The following LZTS1 variants were observed in gnomAD, a reference collection of about 807,000 sequenced individuals.
The protein encoded by LZTS1 is leucine zipper tumor suppressor 1, also known as leucine zipper putative tumor suppressor 1.
In LZTS1, 31 loss-of-function variants were observed where a neutral mutation model predicts 45.8. That is an observed-to-expected ratio of 0.68 (90% confidence interval 0.51 to 0.91). LZTS1 has a LOEUF of 0.91. Ranked by LOEUF, LZTS1 falls within the 40% of genes least tolerant of loss-of-function variation. The pLI is 0.00. For synonymous variants in LZTS1, 359 were observed against 357.3 expected (o/e 1.00, Z -0.05); for missense variants, 821 against 788.9 (o/e 1.04, Z -0.49).
chr8:20,282,715 C>T (rs1282573747), intron 1 of LZTS1, among the ~76,000 whole-genome samples: 1 of 152,184 alleles, frequency 6.6e-6, no homozygotes, highest in Admixed American at 6.5e-5. Flanking sequence ...CAGTTGCACT[C>T]ACTCCCCTTT....
At chr8:20,270,637 G>A (rs1205217066) in intron 1 of LZTS1, among the ~76,000 whole-genome samples, 3 of 152,116 alleles carry the variant, frequency 2.0e-5, no homozygotes, top group Non-Finnish European at 4.4e-5. Context: ...GGAGAACTTA[G>A]GACAAAAGGC....
At position 20,248,362 on chromosome 8, in the gene LZTS1, C is replaced by T. The variant is rs1463190349; in HGVS notation, c.*1360G>A. The T allele has an allele frequency of 6.6e-6, 1 of 152,354 alleles. No homozygotes were observed. Among genetic ancestry groups the T allele is most frequent in the African/African-American group, 2.4e-5 (1 of 41,438 alleles). The allele number at this position is 152,354 out of a possible 1,614,324, so 9.4% of individuals were successfully genotyped here. Reference sequence around the variant, plus strand: ...ATCCCTGAACCAAACAACAGAGAAACTCCACCTTTTATCTCTCTCTACCAC... The same window carrying T: ...ATCCCTGAACCAAACAACAGAGAAATTCCACCTTTTATCTCTCTCTACCAC... On this transcript the variant is annotated 3_prime_UTR_variant, in exon 4 of 4. Transcript: ENST00000381569.
In LZTS1 at chr8:20,253,583, G is replaced by A. The variant is rs1303582351; in HGVS notation, c.348C>T (p.Gly116=). 6 of 1,449,942 alleles carry A rather than the reference G, an allele frequency of 4.1e-6. No individual in the cohort carries two copies. The East Asian group carries it at 9.8e-5, about 24-fold the overall frequency. The allele number at this position is 1,449,942 out of a possible 1,614,324, so 89.8% of individuals were successfully genotyped here. A position where few individuals can be genotyped will look rare whatever the true frequency, so the allele number is the denominator to read the frequency against. ...LMPFSNQLEM[G]SEKGAVRPTA... is the part of the protein sequence containing the mutation. The stretch of plus-strand genomic sequence containing the variant: ...TGGGCCTCACTGCACCCTTCTCGGA[G>A]CCCTGTAGAGGAAAAGGACCGCGGT... Residue 116 remains glycine (G), a splice_region_variant and synonymous_variant, in exon 3 of 4, where the codon GGC becomes GGT. Transcript: ENST00000381569.
intron 1 of LZTS1, 119 bp from the exon 2 acceptor site, chr8:20,255,434 A>G (rs1800074921): frequency 1.7e-6 from 1 of 603,458 alleles, no homozygotes; most frequent in Admixed American, 3.6e-5. Context: ...CACTGTCTCC[A>G]CCACCGGGTG....
At chr8:20,253,775 A>T (rs2645387) in intron 2 of LZTS1, among the ~76,000 whole-genome samples, 190 bp from the exon 3 acceptor site, 1 of 151,942 alleles carries the variant, frequency 6.6e-6, no homozygotes, top group Admixed American at 6.6e-5. Flanking sequence ...TCTCTTAGGA[A>T]GGAAAAACCC....
chr8:20,269,929 T>C (rs769466004), intron 1 of LZTS1, among the ~76,000 whole-genome samples: 1 of 152,142 alleles, frequency 6.6e-6, no homozygotes, highest in Non-Finnish European at 1.5e-5. Flanking sequence ...GGAGATGGGA[T>C]GGGCATGGGA....
intron 1 of LZTS1, 72 bp from the exon 2 acceptor site, chr8:20,255,387 A>C (rs907138085): frequency 5.5e-6 from 6 of 1,094,750 alleles, no homozygotes; most frequent in Non-Finnish European, 7.5e-6. Context: ...TCCGACTTCC[A>C]GATCTGGGCA....
intron 1 of LZTS1, among the ~76,000 whole-genome samples, chr8:20,301,690 C>T (rs559662049): frequency 6.6e-6 from 1 of 152,266 alleles, no homozygotes; most frequent in South Asian, 2.1e-4. Flanking sequence ...CTTCTCAAAA[C>T]TGAAAGGCAC....
intron 1 of LZTS1, among the ~76,000 whole-genome samples, chr8:20,275,052 G>T (rs1246799089): frequency 2.0e-5 from 3 of 151,970 alleles, no homozygotes; most frequent in Non-Finnish European, 4.4e-5. Context: ...AGGGCAGTGG[G>T]TGGGGGACAG....
chr8:20,268,604 G>A (rs1197649602), intron 1 of LZTS1, among the ~76,000 whole-genome samples: 1 of 152,150 alleles, frequency 6.6e-6, no homozygotes, highest in Non-Finnish European at 1.5e-5. Context: ...AAACCTCCCC[G>A]TGCTCAGTTT....
At chr8:20,272,133 T>C (rs950968176) in intron 1 of LZTS1, among the ~76,000 whole-genome samples, 1 of 152,264 alleles carries the variant, frequency 6.6e-6, no homozygotes, top group African/African-American at 2.4e-5. Context: ...TCATGAATCA[T>C]GTCAGACAAT....
chr8:20,257,563 T>C (rs1284274381), intron 1 of LZTS1, among the ~76,000 whole-genome samples: 9 of 152,172 alleles, frequency 5.9e-5, no homozygotes, highest in Non-Finnish European at 1.2e-4. Context: ...CCAGCCGACT[T>C]GGTGTGCATT....
At chr8:20,264,495 C>T (rs1028041779) in intron 1 of LZTS1, among the ~76,000 whole-genome samples, 10 of 152,298 alleles carry the variant, frequency 6.6e-5, no homozygotes, top group Non-Finnish European at 1.3e-4. Context: ...GGCAGTGAGA[C>T]AGAGAGCCCC....
At chr8:20,287,374 G>A (rs1237193866) in intron 1 of LZTS1, among the ~76,000 whole-genome samples, 1 of 152,246 alleles carries the variant, frequency 6.6e-6, no homozygotes, top group East Asian at 1.9e-4. Flanking sequence ...CACAGGGCTG[G>A]ACACTGCTGC....
intron 1 of LZTS1, among the ~76,000 whole-genome samples, chr8:20,270,991 G>A (rs777470311): frequency 5.3e-5 from 8 of 152,042 alleles, no homozygotes; most frequent in Non-Finnish European, 1.0e-4. Flanking sequence ...GGCGTGGCAC[G>A]AAGAGTTTAA....
intron 1 of LZTS1, among the ~76,000 whole-genome samples, chr8:20,295,857 C>G (rs1383819180): frequency 6.6e-6 from 1 of 152,048 alleles, no homozygotes; most frequent in African/African-American, 2.4e-5. Context: ...CCTATAATGC[C>G]CCCCCAATCC....
intron 1 of LZTS1, among the ~76,000 whole-genome samples, chr8:20,268,878 A>G (rs1448851247): frequency 6.6e-6 from 1 of 152,086 alleles, no homozygotes; most frequent in Non-Finnish European, 1.5e-5. Context: ...GAGTCATTCC[A>G]TCGGGTCGAA....
intron 1 of LZTS1, among the ~76,000 whole-genome samples, chr8:20,269,364 G>A (rs1800429000): frequency 6.6e-6 from 1 of 152,208 alleles, no homozygotes; most frequent in African/African-American, 2.4e-5. Context: ...TGGAGAGACA[G>A]AGACTGCAAC....
rs577703919 is a variant in LZTS1 at position 20,276,622 on chromosome 8, C to T, written c.-134-21307G>A. On this transcript the variant is annotated intron_variant, in intron 1 of 3. Coordinates refer to ENST00000381569, the MANE Select transcript of LZTS1 (RefSeq NM_021020.5). ...GTACAATCAATCAGTAAGTGTGTTT[C>T]ACTGAGTTCTGTGAGCTGCTCTAGC... Among the ~76,000 whole-genome samples the T allele has an allele frequency of 3.3e-5, 5 of 152,326 alleles. No individual in the cohort carries two copies. The East Asian group carries it at 9.6e-4, about 29-fold the overall frequency.
Sources: allele counts gnomAD v4.1 joint callset (sites outside exome capture counted in the v4.1 genomes callset), GRCh38; gene constraint gnomAD v4.1.1; transcripts MANE v1.5; gene names NCBI Gene and HGNC (gene_info 2026-07-23, HGNC 2026-07-21).